The following NPFFR2 variants were observed in gnomAD, a reference collection of about 807,000 sequenced individuals.
The protein encoded by NPFFR2 is G-protein coupled receptor 74.
In NPFFR2, 15 loss-of-function variants were observed where a neutral mutation model predicts 13.1. The observed-to-expected ratio is 1.15, with a 90% confidence interval of 0.77 to 1.76. The LOEUF is 1.76. Ranked by LOEUF, NPFFR2 falls within the 40% of genes most tolerant of loss-of-function variation. NPFFR2 has a pLI of 0.00. For synonymous variants in NPFFR2, 190 were observed against 175.7 expected, an observed-to-expected ratio of 1.08 and a Z score of -0.65; for missense variants, 572 against 503.5, an observed-to-expected ratio of 1.14 and a Z score of -1.30.
chr4:72,091,557 C>T (rs546732383), intron 1 of NPFFR2, among the ~76,000 whole-genome samples: 1 of 152,174 alleles, frequency 6.6e-6, no homozygotes, highest in South Asian at 2.1e-4. Flanking sequence ...CTGGTTTAAT[C>T]TAGGAGGGTT....
chr4:72,066,244 A>G (rs1031229609), intron 1 of NPFFR2, among the ~76,000 whole-genome samples: 2 of 152,114 alleles, frequency 1.3e-5, no homozygotes, highest in Non-Finnish European at 2.9e-5. Context: ...CACCTAGTGA[A>G]GGCTCTTTCA....
At chr4:72,036,231 G>A (rs2109751295) in intron 1 of NPFFR2, among the ~76,000 whole-genome samples, 1 of 152,156 alleles carries the variant, frequency 6.6e-6, no homozygotes, top group East Asian at 1.9e-4. Flanking sequence ...GAGGAACCAG[G>A]ATAATGAACT....
chr4:72,114,686 C>T (rs1721661635), intron 1 of NPFFR2, among the ~76,000 whole-genome samples: 1 of 152,080 alleles, frequency 6.6e-6, no homozygotes, highest in East Asian at 1.9e-4. Context: ...CTCCTGACCC[C>T]AGAAGTCACC....
intron 1 of NPFFR2, among the ~76,000 whole-genome samples, chr4:72,043,625 C>T (rs1382456539): frequency 6.6e-6 from 1 of 152,260 alleles, no homozygotes; most frequent in Non-Finnish European, 1.5e-5. Flanking sequence ...TTTGTGCTTG[C>T]ATGGGGCCTG....
chr4:72,038,234 A>G (rs1719094054), intron 1 of NPFFR2, among the ~76,000 whole-genome samples: 1 of 152,164 alleles, frequency 6.6e-6, no homozygotes, highest in Non-Finnish European at 1.5e-5. Flanking sequence ...TAGTCCTCAC[A>G]GTATTGTCTG....
chr4:72,087,265 C>T (rs1270731773), intron 1 of NPFFR2, among the ~76,000 whole-genome samples: 1 of 152,016 alleles, frequency 6.6e-6, no homozygotes, highest in African/African-American at 2.4e-5. Context: ...TTAAGACTCA[C>T]CTGAGATTCT....
intron 1 of NPFFR2, among the ~76,000 whole-genome samples, chr4:72,043,807 G>A (rs1460629352): frequency 1.3e-5 from 2 of 152,160 alleles, no homozygotes; most frequent in African/African-American, 2.4e-5. Flanking sequence ...TTGAGTTAAT[G>A]CTGGAATGAG....
At chr4:72,124,048 T>C (rs1308566003) in intron 1 of NPFFR2, among the ~76,000 whole-genome samples, 2 of 152,178 alleles carry the variant, frequency 1.3e-5, no homozygotes, top group Non-Finnish European at 2.9e-5. Flanking sequence ...CTTAAGCTGA[T>C]AAGCAACTTC....
intron 1 of NPFFR2, among the ~76,000 whole-genome samples, chr4:72,040,962 G>A (rs1249979687): frequency 6.7e-6 from 1 of 148,462 alleles, no homozygotes; most frequent in African/African-American, 2.5e-5. Context: ...ATTTCTAGGT[G>A]CTATTGCTAA....
At chr4:72,114,086 A>T (rs1023922639) in intron 1 of NPFFR2, among the ~76,000 whole-genome samples, 3 of 152,102 alleles carry the variant, frequency 2.0e-5, no homozygotes, top group African/African-American at 7.2e-5. Context: ...CAAGGAGATT[A>T]TATTGGGTCA....
Position 72,102,898 on chromosome 4 carries a change from T to G in NPFFR2, c.-7-25687T>G, listed in dbSNP as rs374539462. Among the ~76,000 whole-genome samples the G allele has an allele frequency of 2.8e-3, 428 of 151,696 alleles. 1 individual carries two copies. Among genetic ancestry groups the G allele is most frequent in the African/African-American group, 1.0e-2 (409 of 41,062 alleles). On this transcript the variant is annotated intron_variant, in intron 1 of 3. Transcript: ENST00000308744. ...TTGGGTATATACCCAGTAATGGGAT[T>G]GCTGGGTCAAGTGGTATTTCTAGTT...
At chr4:72,068,000 C>T (rs1720124537) in intron 1 of NPFFR2, among the ~76,000 whole-genome samples, 1 of 152,182 alleles carries the variant, frequency 6.6e-6, no homozygotes, top group Admixed American at 6.5e-5. Flanking sequence ...CTTAACACTC[C>T]ATTCATGGCA....
At chr4:72,146,833 A>C (rs1224035928) in intron 3 of NPFFR2, 145 bp from the exon 4 acceptor site, 1 of 627,902 alleles carries the variant, frequency 1.6e-6, no homozygotes, top group African/African-American at 1.8e-5. Context: ...ATGACAATGC[A>C]TGCCTTTCTA....
chr4:72,032,375 G>A (rs1718948771), intron 1 of NPFFR2, among the ~76,000 whole-genome samples, 175 bp downstream of exon 1: 1 of 152,190 alleles, frequency 6.6e-6, no homozygotes, highest in Non-Finnish European at 1.5e-5. Flanking sequence ...AACACTGGGG[G>A]GCTTCTCTGC....
intron 2 of NPFFR2, among the ~76,000 whole-genome samples, chr4:72,135,705 GT>G (rs778382084): frequency 8.6e-5 from 13 of 151,330 alleles, no homozygotes; most frequent in Non-Finnish European, 1.6e-4. Flanking sequence ...ACTCAATTTG[GT>G]TTTCCTATAA....
At chr4:72,118,746 T>C (rs923237920) in intron 1 of NPFFR2, among the ~76,000 whole-genome samples, 1 of 152,150 alleles carries the variant, frequency 6.6e-6, no homozygotes, top group African/African-American at 2.4e-5. Context: ...CAATTATTGG[T>C]TCAACCATGC....
chr4:72,068,996 G>A, intron 1 of NPFFR2: 1 of 1,387,616 alleles, frequency 7.2e-7, no homozygotes, highest in South Asian at 1.4e-5. Context: ...CTTAATAAGA[G>A]TGAAGCATGT....
chr4:72,050,351 G>A (rs1173372165), intron 1 of NPFFR2, among the ~76,000 whole-genome samples: 1 of 152,104 alleles, frequency 6.6e-6, no homozygotes, highest in African/African-American at 2.4e-5. Context: ...TTTGCCAAGG[G>A]CATTCAAAAG....
intron 1 of NPFFR2, among the ~76,000 whole-genome samples, chr4:72,059,102 G>A (rs1235636480): frequency 3.3e-5 from 5 of 151,888 alleles, no homozygotes; most frequent in African/African-American, 9.7e-5. Flanking sequence ...ACTATTTTGG[G>A]GTGTGTGAGA....
Sources: gnomAD v4.1 joint callset for allele counts (sites outside exome capture counted in the v4.1 genomes callset) on GRCh38, gnomAD v4.1.1 for gene constraint, MANE v1.5 for transcripts, NCBI Gene and HGNC (gene_info 2026-07-23, HGNC 2026-07-21) for gene names.